BMPER: variants seen among roughly 807,000 people sequenced by gnomAD.
The protein encoded by BMPER is BMP-binding endothelial regulator protein.
A neutral mutation model predicts 87.3 loss-of-function variants in BMPER; 45 were observed. That is an observed-to-expected ratio of 0.52 (90% CI 0.41 to 0.66). The LOEUF is 0.66. Among genes scored for constraint, BMPER ranks in the 30% least tolerant of loss-of-function variants. The pLI is 0.00. For synonymous variants in BMPER, 326 were observed against 316.2 expected (o/e 1.03, Z -0.33); for missense variants, 784 against 867.5 (o/e 0.90, Z 1.21).
chr7:34,036,294 T>C (rs929392775), intron 6 of BMPER, among the ~76,000 whole-genome samples: 3 of 152,222 alleles, frequency 2.0e-5, no homozygotes, highest in Non-Finnish European at 4.4e-5. Flanking sequence ...CCTTTCACTT[T>C]TTTTTGTTTG....
intron 2 of BMPER, among the ~76,000 whole-genome samples, chr7:33,925,864 T>C (rs1784345406): frequency 6.6e-6 from 1 of 152,194 alleles, no homozygotes; most frequent in Non-Finnish European, 1.5e-5. Flanking sequence ...GAGATAATTG[T>C]ATAACAGAAC....
At chr7:34,040,313 A>G (rs867215162) in intron 6 of BMPER, among the ~76,000 whole-genome samples, 45 of 152,220 alleles carry the variant, frequency 3.0e-4, no homozygotes, top group Non-Finnish European at 5.0e-4. Flanking sequence ...TGGTGCCCCT[A>G]TAGGCAGAGC....
chr7:33,962,451 C>T (rs893256969), intron 3 of BMPER, among the ~76,000 whole-genome samples: 4 of 152,184 alleles, frequency 2.6e-5, no homozygotes, highest in South Asian at 2.1e-4. Flanking sequence ...TCAGCCTTGG[C>T]GCAATGAAAA....
chr7:34,004,893 T>C (rs1028040894), intron 6 of BMPER, among the ~76,000 whole-genome samples: 3 of 152,106 alleles, frequency 2.0e-5, no homozygotes, highest in Non-Finnish European at 4.4e-5. Context: ...TTCTTGGGCA[T>C]GCGTGGTGCC....
intron 13 of BMPER, among the ~76,000 whole-genome samples, chr7:34,100,181 G>A (rs967172633): frequency 6.6e-6 from 1 of 152,204 alleles, no homozygotes; most frequent in African/African-American, 2.4e-5. Context: ...GGAGTTTATA[G>A]TCCAGTTAAT....
Position 34,079,149 on chromosome 7 carries a change from C to G in BMPER, c.1371C>G (p.Asp457Glu), listed in dbSNP as rs758083898. 10 of 1,613,982 alleles carry G rather than the reference C, an allele frequency of 6.2e-6. 1 individual carries two copies. Among genetic ancestry groups the G allele is most frequent in the South Asian group, 4.4e-5 (4 of 91,086 alleles). ...GCCGCGCGCCACACTTCCACATCGACCTGGATGGCTACCTCTTGAAAGTGA... is the reference window on the plus strand; with the variant it reads ...GCCGCGCGCCACACTTCCACATCGAGCTGGATGGCTACCTCTTGAAAGTGA... Reference protein sequence around the residue: ...LPCRAPHFHIDLDGYLLKVTT... With the variant: ...LPCRAPHFHIELDGYLLKVTT... The change falls in exon 12 of 15, where the codon GAC becomes GAG. Residue 457 changes from aspartate (D) to glutamate (E), a missense_variant. Coordinates refer to ENST00000649409, the MANE Select transcript of BMPER (RefSeq NM_001365308.1).
intron 6 of BMPER, among the ~76,000 whole-genome samples, chr7:33,978,223 G>A (rs140628048): frequency 5.8e-4 from 88 of 152,272 alleles, no homozygotes; most frequent in African/African-American, 2.0e-3. Context: ...CCTCTCCTTC[G>A]GAGGTTGCAG....
At chr7:33,963,073 T>C (rs1785311610) in intron 3 of BMPER, among the ~76,000 whole-genome samples, 1 of 152,222 alleles carries the variant, frequency 6.6e-6, no homozygotes, top group African/African-American at 2.4e-5. Flanking sequence ...GATTCTAGTG[T>C]TAGTTTCATA....
chr7:34,070,382 A>G (rs995727622), intron 11 of BMPER, among the ~76,000 whole-genome samples: 5 of 151,988 alleles, frequency 3.3e-5, no homozygotes, highest in Non-Finnish European at 5.9e-5. Flanking sequence ...TTTCTCCCCC[A>G]TGTTGCTAAT....
intron 13 of BMPER, among the ~76,000 whole-genome samples, chr7:34,089,727 G>A (rs1006812813): frequency 1.3e-4 from 20 of 152,046 alleles, no homozygotes; most frequent in Non-Finnish European, 2.1e-4. Flanking sequence ...CAGGTGATCT[G>A]CCTGCCTCAG....
chr7:33,928,343 G>A (rs571515295), intron 2 of BMPER, among the ~76,000 whole-genome samples: 7 of 152,230 alleles, frequency 4.6e-5, no homozygotes, highest in East Asian at 3.9e-4. Context: ...CTGGCTCTGC[G>A]TGTTCCCTCC....
chr7:34,012,581 ATACCC>A lies in BMPER; in HGVS notation c.577-33724_577-33720del, dbSNP rs1786911435. Among the ~76,000 whole-genome samples the A allele has an allele frequency of 2.6e-5, 4 of 151,914 alleles. No individual in the cohort carries two copies. The South Asian group carries it at 8.3e-4, about 31-fold the overall frequency. ...AGAAAACCAGACACAATTTTTTTCT[ATACCC>A]CTTCTTAGAGTGCAGTTGGGTGAGA... On this transcript the variant is annotated intron_variant, in intron 6 of 14. Transcript: ENST00000649409.
chr7:34,138,102 A>C (rs887674071), intron 13 of BMPER, among the ~76,000 whole-genome samples: 1 of 152,230 alleles, frequency 6.6e-6, no homozygotes, highest in Non-Finnish European at 1.5e-5. Context: ...GGCTAATGAT[A>C]CTGACAAACT....
intron 11 of BMPER, among the ~76,000 whole-genome samples, chr7:34,071,692 G>C (rs572178724): frequency 3.3e-5 from 5 of 152,210 alleles, no homozygotes; most frequent in Admixed American, 6.5e-5. Context: ...TTAACATTCA[G>C]TGAGCTTTTA....
chr7:34,046,268 C>T, intron 6 of BMPER, 38 bp from the exon 7 acceptor site: 1 of 1,593,630 alleles, frequency 6.3e-7, no homozygotes, highest in Non-Finnish European at 8.6e-7. Flanking sequence ...CATGCACTTA[C>T]TTTTCTAAAT....
At chr7:33,930,245 A>T (rs530559783) in intron 2 of BMPER, among the ~76,000 whole-genome samples, 78 of 151,950 alleles carry the variant, frequency 5.1e-4, no homozygotes, top group African/African-American at 1.8e-3. Context: ...CATGACCCAG[A>T]GCCTTGGACT....
At chr7:34,144,144 A>T (rs1323207945) in intron 14 of BMPER, among the ~76,000 whole-genome samples, 1 of 152,196 alleles carries the variant, frequency 6.6e-6, no homozygotes, top group Admixed American at 6.5e-5. Context: ...ATTTCAGCCT[A>T]GCCCTGAAGG....
In BMPER at chr7:33,970,435, A is replaced by C. The variant is rs904659614; in HGVS notation, c.493+16A>C. 6.2e-7 allele frequency: 1 copy of C among 1,610,494 alleles called. No individual in the cohort carries two copies. The highest frequency in any genetic ancestry group is 1.3e-5 in the African/African-American group (1 of 74,930). On this transcript the variant is annotated intron_variant, in intron 5 of 14. Transcript: ENST00000649409. Reference sequence around the variant, plus strand: ...ACATGTCCAGGTAACGTTCTCAGGAAGGGGAGGCTGGAAATCTCTGTGTGT... The same window carrying C: ...ACATGTCCAGGTAACGTTCTCAGGACGGGGAGGCTGGAAATCTCTGTGTGT...
intron 6 of BMPER, among the ~76,000 whole-genome samples, chr7:33,996,798 C>A (rs1786424355): frequency 6.6e-6 from 1 of 152,080 alleles, no homozygotes; most frequent in African/African-American, 2.4e-5. Flanking sequence ...CCCCATATAT[C>A]CAAAATATTA....
Sources: allele counts gnomAD v4.1 joint callset (sites outside exome capture counted in the v4.1 genomes callset), GRCh38; gene constraint gnomAD v4.1.1; transcripts MANE v1.5; gene names NCBI Gene and HGNC (gene_info 2026-07-23, HGNC 2026-07-21).